DGLUCY: variants seen among roughly 807,000 people sequenced by gnomAD.
The protein encoded by DGLUCY is D-glutamate cyclase, also known as D-glutamate cyclase, mitochondrial.
In DGLUCY, 58 loss-of-function variants were observed where a neutral mutation model predicts 58.5. That is an observed-to-expected ratio of 0.99 (90% confidence interval 0.80 to 1.23). DGLUCY has a LOEUF of 1.23. DGLUCY is among the 50% of genes most tolerant of loss of function. DGLUCY has a pLI of 0.00. For missense variants in DGLUCY, 779 were observed against 784.7 expected (o/e 0.99, Z 0.09); for synonymous variants, 325 against 314.1 (o/e 1.03, Z -0.37).
chr14:91,207,049 G>A (rs781090160), intron 12 of DGLUCY, among the ~76,000 whole-genome samples: 19 of 151,628 alleles, frequency 1.3e-4, no homozygotes, highest in Non-Finnish European at 2.5e-4. Context: ...TCCTGGCTAC[G>A]TGGGGGGGCT....
chr14:91,168,996 A>G (rs1301858631), intron 4 of DGLUCY, among the ~76,000 whole-genome samples: 4 of 152,064 alleles, frequency 2.6e-5, no homozygotes, highest in African/African-American at 9.7e-5. Flanking sequence ...CTGAGGTGGG[A>G]GAATCACTTG....
chr14:91,133,233 T>G (rs2046132208), intron 1 of DGLUCY, among the ~76,000 whole-genome samples: 1 of 151,966 alleles, frequency 6.6e-6, no homozygotes, highest in Admixed American at 6.6e-5. Flanking sequence ...AGGTGGAGGT[T>G]GCAGTGAGCC....
chr14:91,094,496 T>G (rs945236151), intron 1 of DGLUCY, among the ~76,000 whole-genome samples: 2 of 149,928 alleles, frequency 1.3e-5, no homozygotes, highest in Non-Finnish European at 3.0e-5. Flanking sequence ...GAGGTGACCA[T>G]GCAGACAGAA....
At chr14:91,071,187 A>G (rs1449256746) in intron 1 of DGLUCY, among the ~76,000 whole-genome samples, 3 of 151,538 alleles carry the variant, frequency 2.0e-5, no homozygotes, top group African/African-American at 7.3e-5. Context: ...AAAAAAAAAA[A>G]TTAGCAAGGT....
rs140751666 is a variant in DGLUCY, at chr14:91,077,247, A to G, written c.-82+16543A>G. Among the ~76,000 whole-genome samples, 5 of 151,094 alleles carry G rather than the reference A, an allele frequency of 3.3e-5. No homozygotes were observed. The East Asian group carries it at 9.8e-4, about 30-fold the overall frequency. On this transcript the variant is annotated intron_variant, in intron 1 of 4. Coordinates refer to the DGLUCY transcript ENST00000521334. Reference sequence around the variant, plus strand: ...CAGAGCAAGGCAAGCAAGCAAGCAAAGAGTGGGGAGAGAGAGAAAGAGAGA... The same window carrying G: ...CAGAGCAAGGCAAGCAAGCAAGCAAGGAGTGGGGAGAGAGAGAAAGAGAGA...
intron 1 of DGLUCY, among the ~76,000 whole-genome samples, chr14:91,122,172 T>A (rs1329832548): frequency 3.9e-5 from 6 of 152,086 alleles, no homozygotes; most frequent in South Asian, 2.1e-4. Context: ...TTTTTTATTT[T>A]TTTTTTTGAG....
At chr14:91,193,286 T>C (rs1337843993) in intron 9 of DGLUCY, among the ~76,000 whole-genome samples, 1 of 152,048 alleles carries the variant, frequency 6.6e-6, no homozygotes, top group Non-Finnish European at 1.5e-5. Context: ...CTGACAACGG[T>C]GTTGCTGGGT....
intron 12 of DGLUCY, among the ~76,000 whole-genome samples, chr14:91,211,773 T>G (rs1486635624): frequency 6.6e-6 from 1 of 152,006 alleles, no homozygotes; most frequent in Non-Finnish European, 1.5e-5. Context: ...TGAGCATGAG[T>G]ATGATTATGA....
intron 4 of DGLUCY, 74 bp downstream of exon 4, chr14:91,167,452 G>C (rs779798218): frequency 1.9e-6 from 3 of 1,582,838 alleles, no homozygotes; most frequent in African/African-American, 1.4e-5. Flanking sequence ...TCTGTCATCC[G>C]GGACCTCTCT....
chr14:91,182,295 CTTG>C (rs199682510), intron 8 of DGLUCY, among the ~76,000 whole-genome samples: 3,636 of 150,568 alleles, frequency 0.024, 64 homozygotes, highest in Non-Finnish European at 0.035. Context: ...TTGGCTTTTT[CTTG>C]TTGTTCTAAA....
At chr14:91,147,195 T>A (rs992281855) in intron 1 of DGLUCY, among the ~76,000 whole-genome samples, 6 of 152,172 alleles carry the variant, frequency 3.9e-5, no homozygotes, top group Non-Finnish European at 7.3e-5. Context: ...AGCATTCCTG[T>A]CTCCATAGTT....
chr14:91,175,715 T>A (rs1566984369), intron 6 of DGLUCY: 1 of 443,954 alleles, frequency 2.3e-6, no homozygotes, highest in Non-Finnish European at 4.2e-6. Context: ...TTTGAGATTC[T>A]GTTTTCTGAA....
chr14:91,151,331 C>T (rs752377405), intron 1 of DGLUCY, among the ~76,000 whole-genome samples: 13 of 152,106 alleles, frequency 8.5e-5, no homozygotes, highest in African/African-American at 2.9e-4. Flanking sequence ...GCTCTGCCTC[C>T]GGGGTTCACG....
chr14:91,197,598 T>A (rs2050298186), intron 10 of DGLUCY, among the ~76,000 whole-genome samples: 2 of 152,356 alleles, frequency 1.3e-5, no homozygotes, highest in South Asian at 4.1e-4. Context: ...TTTCTGTCTT[T>A]ATGAGTTTGA....
chr14:91,137,306 G>A lies in DGLUCY; in HGVS notation c.-81-20333G>A, dbSNP rs552372862. ...ATTCTTCTTGGTCTCTCTGTGTCTC[G>A]TTCTTTTACCTGGAGTGTAGAATGT... On this transcript the variant is annotated intron_variant, in intron 1 of 13. Transcript: ENST00000256324. Among the ~76,000 whole-genome samples the A allele has an allele frequency of 2.0e-5, 3 of 151,988 alleles. No homozygotes were observed. The East Asian group carries it at 5.8e-4, about 29-fold the overall frequency.
At chr14:91,062,608 TATAA>T (rs1390153551) in intron 1 of DGLUCY, among the ~76,000 whole-genome samples, 1,671 of 27,628 alleles carry the variant, frequency 0.06, 146 homozygotes, top group East Asian at 0.067. Flanking sequence ...TATATATATA[TATAA>T]ACAATCCTTA....
upstream of DGLUCY, among the ~76,000 whole-genome samples, chr14:91,111,234 GTGTGTGTGTGTGTGTATA>G (rs2044691368): frequency 2.7e-5 from 3 of 111,420 alleles, no homozygotes; most frequent in South Asian, 2.6e-4. Context: ...GTGTGTGTGT[GTGTGTGTGTGTGTGTATA>G]TATCTATATA....
chr14:91,204,035 A>G (rs187262571), intron 11 of DGLUCY, among the ~76,000 whole-genome samples: 3 of 152,326 alleles, frequency 2.0e-5, no homozygotes, highest in East Asian at 1.9e-4. Context: ...TTTTTAGCCA[A>G]TCCACCTATC....
At chr14:91,203,691 T>G (rs1160393495) in intron 11 of DGLUCY, among the ~76,000 whole-genome samples, 1 of 151,586 alleles carries the variant, frequency 6.6e-6, no homozygotes, top group Non-Finnish European at 1.5e-5. Context: ...TTTTTTTTTT[T>G]TTTTAGATGG....
Sources: gnomAD v4.1 joint callset for allele counts (sites outside exome capture counted in the v4.1 genomes callset) on GRCh38, gnomAD v4.1.1 for gene constraint, MANE v1.5 for transcripts, NCBI Gene and HGNC (gene_info 2026-07-23, HGNC 2026-07-21) for gene names.